The following TEX11 variants were observed in gnomAD, a reference collection of about 807,000 sequenced individuals.
TEX11 encodes testis expressed 11, also known as testis-expressed protein 11.
Under a neutral mutation model 84.4 loss-of-function variants are expected in TEX11, and 7 were observed. The ratio of observed to expected loss-of-function variants is 0.08; its 90% CI spans 0.05 to 0.16. The LOEUF (loss-of-function observed/expected upper bound fraction) is 0.16, where lower values mean the gene tolerates loss of function less well. TEX11 is among the 10% of genes least tolerant of loss of function. TEX11 has a pLI of 1.00. For missense variants in TEX11, 551 were observed against 660.5 expected (o/e 0.83, Z 1.82); for synonymous variants, 264 against 222.8 (o/e 1.18, Z -1.64).
At chrX:70,861,763 G>A (rs370129011) in intron 4 of TEX11, among the ~76,000 whole-genome samples, 4 of 110,955 alleles carry the variant, frequency 3.6e-5, no homozygotes, top group African/African-American at 6.5e-5. Flanking sequence ...CACCACAACC[G>A]GCCCAGAGAG....
chrX:70,565,206 T>A (rs779590863), intron 25 of TEX11, among the ~76,000 whole-genome samples: 3 of 111,311 alleles, frequency 2.7e-5, no homozygotes, highest in African/African-American at 9.8e-5. Context: ...AATGTCTTCT[T>A]TTGAGAAGTG....
At chrX:70,841,815 C>A (rs1401043872) in intron 7 of TEX11, among the ~76,000 whole-genome samples, 9 of 111,503 alleles carry the variant, frequency 8.1e-5, no homozygotes, top group Non-Finnish European at 1.3e-4. Context: ...ACCGATCCCA[C>A]AGAAATACAA....
intron 2 of TEX11, among the ~76,000 whole-genome samples, chrX:70,882,353 C>A (rs2091688060): frequency 9.0e-6 from 1 of 111,448 alleles, no homozygotes; most frequent in Admixed American, 9.6e-5. Context: ...GAGTCTTACT[C>A]TGTCACCTAG....
intron 11 of TEX11, among the ~76,000 whole-genome samples, chrX:70,732,768 C>A (rs56286823): frequency 0.017 from 1,889 of 111,316 alleles, 39 homozygotes; most frequent in African/African-American, 0.059. Flanking sequence ...ATCAAGCTAC[C>A]AATGACTTTC....
chrX:70,768,368 T>C (rs1334685600), intron 9 of TEX11, among the ~76,000 whole-genome samples: 1 of 111,158 alleles, frequency 9.0e-6, no homozygotes, highest in Non-Finnish European at 1.9e-5. Context: ...TATATAAGAC[T>C]TGAAGAACAC....
chrX:70,882,484 TA>T (rs974564359), intron 2 of TEX11, among the ~76,000 whole-genome samples: 5 of 110,330 alleles, frequency 4.5e-5, no homozygotes, highest in African/African-American at 1.6e-4. Context: ...ATATACGTTT[TA>T]AAAAAAACAT....
intron 25 of TEX11, among the ~76,000 whole-genome samples, chrX:70,560,451 TTCAATTCTTTTGTCCATTTTTTTATTGGG>T (rs1462860560): frequency 2.8e-4 from 31 of 111,300 alleles, no homozygotes; most frequent in Admixed American, 6.7e-4. Flanking sequence ...TGCCCAGCCA[TTCAATTCTTTTGTCCATTTTTTTATTGGG>T]TTATTTATCT....
At chrX:70,869,776 CA>C (rs1300873017) in intron 4 of TEX11, among the ~76,000 whole-genome samples, 67 of 99,224 alleles carry the variant, frequency 6.8e-4, no homozygotes, top group Admixed American at 8.8e-4. Flanking sequence ...GATCCTGTCT[CA>C]AAAAAAAAAA....
intron 8 of TEX11, among the ~76,000 whole-genome samples, chrX:70,831,437 C>A (rs1180690173): frequency 9.0e-6 from 1 of 110,826 alleles, no homozygotes; most frequent in African/African-American, 3.3e-5. Flanking sequence ...GATCAGCCTG[C>A]ATAACATAGT....
At chrX:70,524,980 T>A (rs778688919), downstream of TEX11, among the ~76,000 whole-genome samples, 40 of 110,282 alleles carry the variant, frequency 3.6e-4, no homozygotes, top group Non-Finnish European at 9.5e-5. Flanking sequence ...TTGAGACCAG[T>A]CTGGACAACA....
chrX:70,560,173 G>A (rs2088346594), intron 25 of TEX11, among the ~76,000 whole-genome samples: 1 of 104,604 alleles, frequency 9.6e-6, no homozygotes, highest in Non-Finnish European at 2.0e-5. Flanking sequence ...TTTTTGAGAT[G>A]GATTTTCACT....
chrX:70,635,578 C>T (rs1022396850), intron 17 of TEX11, among the ~76,000 whole-genome samples: 2 of 112,303 alleles, frequency 1.8e-5, no homozygotes, highest in African/African-American at 6.5e-5. Flanking sequence ...ATCCTTAGGA[C>T]GAGGCTGACA....
chrX:70,788,498 C>T (rs1295771567), intron 9 of TEX11, among the ~76,000 whole-genome samples: 2 of 110,415 alleles, frequency 1.8e-5, no homozygotes, highest in Non-Finnish European at 3.8e-5. Context: ...TCTCCCACCA[C>T]GTACAAAAAT....
chrX:70,907,862 A>T (rs2091842595), intron 1 of TEX11, 52 bp from the exon 2 acceptor site: 2 of 800,949 alleles, frequency 2.5e-6, no homozygotes, highest in Middle Eastern at 3.2e-4. Context: ...TAGTTTCTCA[A>T]CAAATTTCTT....
intron 9 of TEX11, among the ~76,000 whole-genome samples, chrX:70,750,934 ATATATATATAT>A (rs1569429101): frequency 1.9e-4 from 4 of 20,802 alleles, no homozygotes; most frequent in South Asian, 4.0e-3. Flanking sequence ...AAAAAAAAAA[ATATATATATAT>A]ATATATATAT....
chrX:70,715,454 A>T (rs186962034), intron 13 of TEX11, among the ~76,000 whole-genome samples: 2 of 111,602 alleles, frequency 1.8e-5, no homozygotes, highest in Non-Finnish European at 3.8e-5. Context: ...TGGTCTTTTC[A>T]TATAGTCCCA....
intron 24 of TEX11, among the ~76,000 whole-genome samples, chrX:70,603,014 CAAG>C (rs1238615864): frequency 0.21 from 3,917 of 18,352 alleles, no homozygotes; most frequent in Non-Finnish European, 0.27. Context: ...AGGACCTCTT[CAAG>C]GAGAACTACA....
intron 2 of TEX11, among the ~76,000 whole-genome samples, chrX:70,899,454 G>A (rs1231743668): frequency 9.1e-6 from 1 of 110,329 alleles, no homozygotes; most frequent in African/African-American, 3.3e-5. Flanking sequence ...CTTTTTAAAC[G>A]TGATTACTAG....
intron 9 of TEX11, among the ~76,000 whole-genome samples, chrX:70,793,759 C>T (rs142317372): frequency 1.3e-3 from 146 of 110,223 alleles, no homozygotes; most frequent in African/African-American, 4.7e-3. Context: ...CTAGCCAGAC[C>T]GATCAGGCAA....
Sources: allele counts gnomAD v4.1 joint callset (sites outside exome capture counted in the v4.1 genomes callset), GRCh38; gene constraint gnomAD v4.1.1; transcripts MANE v1.5; gene names NCBI Gene and HGNC (gene_info 2026-07-23, HGNC 2026-07-21).